TMEM68: variants seen among roughly 807,000 people sequenced by gnomAD.
TMEM68 encodes the protein transmembrane protein 68.
TMEM68 carries 25 observed loss-of-function variants against 36.9 expected under a neutral mutation model. That is an observed-to-expected ratio of 0.68 (90% CI 0.49 to 0.95). TMEM68 has a LOEUF of 0.95. Ranked by LOEUF, TMEM68 falls within the 40% of genes least tolerant of loss-of-function variation. The pLI is 0.00. For missense variants in TMEM68, 333 were observed against 392.0 expected (o/e 0.85, Z 1.27); for synonymous variants, 131 against 124.4 (o/e 1.05, Z -0.35).
In TMEM68 at chr8:55,762,633, A is replaced by ATTAAG; in HGVS notation, c.325+1_325+2insCTTAA. 7 of 1,614,204 alleles carry ATTAAG rather than the reference A, an allele frequency of 4.3e-6. No individual in the cohort carries two copies. Among genetic ancestry groups the ATTAAG allele is most frequent in the Non-Finnish European group, 5.9e-6 (7 of 1,180,034 alleles). On this transcript the variant is annotated splice_donor_variant, in intron 3 of 7. Transcript: ENST00000434581. LOFTEE classifies it high-confidence loss of function. ...CACAAAGGTGAAAGTATCCTTGCTT[A>ATTAAG]CCATGCCAAACGGCTGCATGTCCAT...
intron 3 of TMEM68, chr8:55,761,459 G>A (rs1810789695): frequency 6.6e-6 from 1 of 152,088 alleles, no homozygotes; most frequent in Non-Finnish European, 1.5e-5. Context: ...CCCAAGTTCT[G>A]TTTATTTTAC....
chr8:55,751,297 T>C, intron 4 of TMEM68, 140 bp from the exon 5 acceptor site: 1 of 742,536 alleles, frequency 1.3e-6, no homozygotes, highest in East Asian at 2.9e-5. Flanking sequence ...CAACAAAAAC[T>C]CTAAAGGTTA....
chr8:55,757,321 A>G (rs1467643423), intron 3 of TMEM68, among the ~76,000 whole-genome samples: 2 of 152,196 alleles, frequency 1.3e-5, no homozygotes, highest in East Asian at 1.9e-4. Context: ...AGATGCCATA[A>G]AAGAGGGTAA....
At position 55,744,454 on chromosome 8, in the gene TMEM68, C is replaced by T. The variant is rs113186670; in HGVS notation, c.748+607G>A. ...CTGAGTAGCTGGGACTATAGGTGCCCGCCACCACACCTAGCTAATTTTGTT... is the reference window on the plus strand; with the variant it reads ...CTGAGTAGCTGGGACTATAGGTGCCTGCCACCACACCTAGCTAATTTTGTT... On this transcript the variant is annotated intron_variant, in intron 6 of 7. Coordinates refer to ENST00000434581, the MANE Select transcript of TMEM68 (RefSeq NM_001286657.2). Among the ~76,000 whole-genome samples, 906 of 149,986 alleles carry T rather than the reference C, an allele frequency of 6.0e-3. 14 individuals carry two copies. The highest frequency in any genetic ancestry group is 0.021 in the African/African-American group (856 of 40,620).
chr8:55,742,461 C>G (rs534941727), intron 7 of TMEM68, among the ~76,000 whole-genome samples: 9 of 152,112 alleles, frequency 5.9e-5, no homozygotes, highest in Admixed American at 1.3e-4. Context: ...ATGTTTTTAC[C>G]ATAATTTATA....
At chr8:55,769,631 G>A (rs1397182498) in intron 1 of TMEM68, among the ~76,000 whole-genome samples, 10 of 151,730 alleles carry the variant, frequency 6.6e-5, no homozygotes, top group African/African-American at 1.7e-4. Flanking sequence ...AACTGTGTTC[G>A]TCTAAAACTT....
rs181384777 is a variant in TMEM68, at chr8:55,747,333, G to A, written c.688-2212C>T. ...GCAGAGATCACGCCATTGCACTCCAGCCTGGGTGACAGAGCAAGACTCTGT... is the reference window on the plus strand; with the variant it reads ...GCAGAGATCACGCCATTGCACTCCAACCTGGGTGACAGAGCAAGACTCTGT... On this transcript the variant is annotated intron_variant, in intron 5 of 7. Coordinates refer to ENST00000434581, the MANE Select transcript of TMEM68 (RefSeq NM_001286657.2). 127 of 152,314 alleles carry A rather than the reference G, an allele frequency of 8.3e-4. 1 individual carries two copies. The highest frequency in any genetic ancestry group is 1.5e-3 in the Non-Finnish European group (99 of 68,048). The allele number at this position is 152,314 out of a possible 1,614,324, so 9.4% of individuals were successfully genotyped here.
At chr8:55,757,232 G>A (rs1453950140) in intron 3 of TMEM68, among the ~76,000 whole-genome samples, 4 of 152,148 alleles carry the variant, frequency 2.6e-5, no homozygotes, top group African/African-American at 9.7e-5. Context: ...GAGGTCACAA[G>A]GCAACCAGGC....
chr8:55,747,343 CA>C (rs1267770613), intron 5 of TMEM68: 1 of 152,096 alleles, frequency 6.6e-6, no homozygotes, highest in Non-Finnish European at 1.5e-5. Context: ...GCCTGGGTGA[CA>C]GAGCAAGACT....
chr8:55,771,978 T>C (rs960304144), intron 1 of TMEM68, among the ~76,000 whole-genome samples: 9 of 152,210 alleles, frequency 5.9e-5, no homozygotes, highest in Non-Finnish European at 1.2e-4. Flanking sequence ...TTTTCTTTAA[T>C]CCTAGAATGC....
intron 3 of TMEM68, 67 bp downstream of exon 3, chr8:55,762,568 A>T (rs1810828922): frequency 6.3e-7 from 1 of 1,593,856 alleles, no homozygotes; most frequent in Non-Finnish European, 8.5e-7. Context: ...AATAAAATGG[A>T]ATGGTAACAC....
rs953557551 is a variant in TMEM68, at chr8:55,762,893, G to A, written c.67C>T (p.His23Tyr). 4 of 1,613,938 alleles carry A rather than the reference G, an allele frequency of 2.5e-6. No homozygotes were observed. Among genetic ancestry groups the A allele is most frequent in the African/African-American group, 1.3e-5 (1 of 74,928 alleles). Residue 23 changes from histidine to tyrosine, a missense_variant, in exon 3 of 8, where the codon CAC becomes TAC. By Grantham distance (83) the His-to-Tyr change is moderately conservative. Coordinates refer to ENST00000434581, the MANE Select transcript of TMEM68 (RefSeq NM_001286657.2). Reference sequence around the variant, plus strand: ...ACACCAAACCATTCTTCGAGTATGTGAATCAGACAAATCATATAGGGCACA... The same window carrying A: ...ACACCAAACCATTCTTCGAGTATGTAAATCAGACAAATCATATAGGGCACA... ...DSVPYMICLI[H>Y]ILEEWFGVEQ...
intron 1 of TMEM68, among the ~76,000 whole-genome samples, chr8:55,764,987 G>T (rs190024222): frequency 4.1e-4 from 62 of 152,248 alleles, no homozygotes; most frequent in Admixed American, 1.1e-3. Context: ...CAGGAGAAAC[G>T]CTTGAACCTG....
chr8:55,768,006 G>A lies in TMEM68; in HGVS notation c.-114-4026C>T, dbSNP rs557946810. Among the ~76,000 whole-genome samples the A allele has an allele frequency of 7.8e-4, 118 of 152,234 alleles. 1 individual carries two copies. The Middle Eastern group carries it at 0.017, about 22-fold the overall frequency. Reference sequence around the variant, plus strand: ...CATTTTAGAAGTTGGGAAGACAATGGCAAGCCAGCCTCCTCCTTGCAGAAG... The same window carrying A: ...CATTTTAGAAGTTGGGAAGACAATGACAAGCCAGCCTCCTCCTTGCAGAAG... On this transcript the variant is annotated intron_variant, in intron 1 of 7. Transcript: ENST00000434581.
At chr8:55,748,798 C>T (rs558247550) in intron 5 of TMEM68, among the ~76,000 whole-genome samples, 135 of 152,070 alleles carry the variant, frequency 8.9e-4, no homozygotes, top group African/African-American at 3.1e-3. Context: ...ACCATGTTGC[C>T]CAGGCTGGTC....
At chr8:55,741,007 G>C (rs1810084239) in intron 7 of TMEM68, among the ~76,000 whole-genome samples, 1 of 152,208 alleles carries the variant, frequency 6.6e-6, no homozygotes, top group Admixed American at 6.5e-5. Flanking sequence ...GCTGAGGTGG[G>C]TGGATCACCT....
intron 3 of TMEM68, 125 bp from the exon 4 acceptor site, chr8:55,756,536 C>A: frequency 1.3e-6 from 1 of 774,606 alleles, no homozygotes; most frequent in Non-Finnish European, 1.9e-6. Flanking sequence ...CTTCCCCTTT[C>A]CCCCTTCTTC....
rs767906172 is a variant in TMEM68, at chr8:55,751,325, A to G, written c.494-168T>C. ...AAAGGTTAACTTAAGCTTGATATTA[A>G]GCTTCTCTGGCTCAAATTCTTAAGT... On this transcript the variant is annotated intron_variant, in intron 4 of 7. Transcript: ENST00000434581. The G allele has an allele frequency of 3.5e-4, 209 of 599,590 alleles. 1 individual carries two copies. Among genetic ancestry groups the G allele is most frequent in the Non-Finnish European group, 2.0e-4 (71 of 358,036 alleles). The allele number at this position is 599,590 out of a possible 1,614,324, so 37.1% of individuals were successfully genotyped here.
chr8:55,749,653 T>TGAATGA, intron 5 of TMEM68, among the ~76,000 whole-genome samples: 1 of 152,224 alleles, frequency 6.6e-6, no homozygotes, highest in African/African-American at 2.4e-5. Flanking sequence ...CTTCCATCCC[T>TGAATGA]CCATCTCTCT....
Sources: gnomAD v4.1 joint callset for allele counts (sites outside exome capture counted in the v4.1 genomes callset) on GRCh38, gnomAD v4.1.1 for gene constraint, MANE v1.5 for transcripts, NCBI Gene and HGNC (gene_info 2026-07-23, HGNC 2026-07-21) for gene names.